CCSER2: variants seen among roughly 807,000 people sequenced by gnomAD.
CCSER2 encodes serine-rich coiled-coil domain-containing protein 2.
Under a neutral mutation model 92.3 loss-of-function variants are expected in CCSER2, and 46 were observed. The observed-to-expected ratio is 0.50, with a 90% CI of 0.39 to 0.64. The LOEUF (loss-of-function observed/expected upper bound fraction) is 0.64. Among genes scored for constraint, CCSER2 ranks in the 30% least tolerant of loss-of-function variants. The probability of loss-of-function intolerance (pLI) is 0.00; values close to 1 mark genes in which losing one functional copy is unlikely to be tolerated. For missense variants in CCSER2, 1,244 were observed against 1,238.9 expected, an observed-to-expected ratio of 1.00 and a Z score of -0.06; for synonymous variants, 433 against 431.4, an observed-to-expected ratio of 1.00 and a Z score of -0.04.
At chr10:84,328,888 C>T (rs1488173876) in intron 1 of CCSER2, 80 bp downstream of exon 1, 2 of 151,552 alleles carry the variant, frequency 1.3e-5, no homozygotes, top group African/African-American at 4.9e-5. Context: ...GGCACGCAGT[C>T]CGGGGCGGGG....
intron 9 of CCSER2, among the ~76,000 whole-genome samples, chr10:84,502,257 A>G (rs2131846107): frequency 6.6e-6 from 1 of 152,002 alleles, no homozygotes; most frequent in Admixed American, 6.5e-5. Flanking sequence ...TCCACATTTA[A>G]TCAATATGTG....
At chr10:84,393,368 G>A (rs145715645) in intron 3 of CCSER2, among the ~76,000 whole-genome samples, 87 of 152,240 alleles carry the variant, frequency 5.7e-4, no homozygotes, top group African/African-American at 1.8e-3. Context: ...AAAAGGCTGC[G>A]TAAATGTCAG....
chr10:84,481,735 T>G (rs1380259749), intron 9 of CCSER2, among the ~76,000 whole-genome samples: 1 of 152,106 alleles, frequency 6.6e-6, no homozygotes, highest in Non-Finnish European at 1.5e-5. Flanking sequence ...GAAGCACGTC[T>G]TAGTGGAGTA....
At chr10:84,388,126 G>A (rs1470353401) in intron 3 of CCSER2, among the ~76,000 whole-genome samples, 2 of 152,220 alleles carry the variant, frequency 1.3e-5, no homozygotes, top group Non-Finnish European at 2.9e-5. Context: ...GCCTCCCAAA[G>A]TGCTGGGATT....
chr10:84,429,689 C>T (rs988497265), intron 5 of CCSER2, among the ~76,000 whole-genome samples: 3 of 146,252 alleles, frequency 2.1e-5, no homozygotes, highest in Non-Finnish European at 3.0e-5. Context: ...TATAATGCGC[C>T]TCTCTTTTAG....
chr10:84,453,688 C>CT (rs1265463233), intron 6 of CCSER2, among the ~76,000 whole-genome samples: 1 of 152,130 alleles, frequency 6.6e-6, no homozygotes. Context: ...TAATCTCCTG[C>CT]TATAATTACA....
intron 5 of CCSER2, among the ~76,000 whole-genome samples, chr10:84,428,267 A>G (rs1589635493): frequency 6.6e-6 from 1 of 152,164 alleles, no homozygotes; most frequent in South Asian, 2.1e-4. Flanking sequence ...AAACTCTTCC[A>G]CCTCAAATCA....
intron 3 of CCSER2, among the ~76,000 whole-genome samples, chr10:84,397,734 T>G (rs1056893805): frequency 6.6e-6 from 1 of 152,214 alleles, no homozygotes; most frequent in Non-Finnish European, 1.5e-5. Context: ...ACTGCTGAGG[T>G]CTACAACATA....
chr10:84,339,124 G>C (rs1325732384), intron 1 of CCSER2, among the ~76,000 whole-genome samples: 1 of 137,480 alleles, frequency 7.3e-6, no homozygotes, highest in Non-Finnish European at 1.6e-5. Context: ...TTTTTTTTTT[G>C]TTTTTTTTTT....
chr10:84,408,223 G>T (rs549696391), intron 3 of CCSER2, among the ~76,000 whole-genome samples: 1 of 152,026 alleles, frequency 6.6e-6, no homozygotes, highest in South Asian at 2.1e-4. Flanking sequence ...GATTATACTT[G>T]TCCTTCAGTT....
chr10:84,460,355 T>C (rs1846037340), intron 6 of CCSER2, among the ~76,000 whole-genome samples: 1 of 151,552 alleles, frequency 6.6e-6, no homozygotes, highest in Admixed American at 6.6e-5. Context: ...CCCCCCCGTC[T>C]TGGCCTCCCA....
rs1491351569 is a variant in CCSER2, at chr10:84,457,462, TAA to T, written c.2065-6470_2065-6469del. 2.1e-3 allele frequency among the ~76,000 whole-genome samples: 231 copies of T among 111,782 alleles called. 1 individual carries two copies. The highest frequency in any genetic ancestry group is 8.6e-3 in the Middle Eastern group (2 of 232). The allele number at this position is 111,782 out of a possible 152,430, so 73.3% of individuals were successfully genotyped here. A position where few individuals can be genotyped will look rare whatever the true frequency, so the allele number is the denominator to read the frequency against. On this transcript the variant is annotated intron_variant, in intron 6 of 9. Coordinates refer to ENST00000372088, the MANE Select transcript of CCSER2 (RefSeq NM_001284240.2). ...ATATAAATACATATTATAAAATATA[TAA>T]TATATATATAAAAGACATGGACTGG... is the stretch of plus-strand genomic sequence containing the variant.
rs1344041483 is a variant in CCSER2 at position 84,332,977 on chromosome 10, GTATTT to G, written c.-40+4173_-40+4177del. Among the ~76,000 whole-genome samples the G allele has an allele frequency of 3.3e-5, 5 of 152,044 alleles. No homozygotes were observed. The East Asian group carries it at 9.6e-4, about 29-fold the overall frequency. On this transcript the variant is annotated intron_variant, in intron 1 of 9. Transcript: ENST00000372088. Reference sequence around the variant, plus strand: ...AACTGAGATAAAATTTCATTTATGTGTATTTTATATTATAGAAAACTACATTATTA... The same window carrying G: ...AACTGAGATAAAATTTCATTTATGTGTATATTATAGAAAACTACATTATTA...
At chr10:84,426,446 G>A (rs577951313) in intron 5 of CCSER2, among the ~76,000 whole-genome samples, 4 of 152,242 alleles carry the variant, frequency 2.6e-5, no homozygotes, top group South Asian at 2.1e-4. Context: ...CTGACCTGGC[G>A]CAGATTAGCT....
chr10:84,474,026 G>A (rs943332931), intron 8 of CCSER2, among the ~76,000 whole-genome samples: 7 of 152,132 alleles, frequency 4.6e-5, no homozygotes, highest in African/African-American at 1.4e-4. Flanking sequence ...AGATTGCAGC[G>A]CTCTGAGAAT....
At chr10:84,431,242 A>G (rs1267267829) in intron 5 of CCSER2, among the ~76,000 whole-genome samples, 1 of 152,152 alleles carries the variant, frequency 6.6e-6, no homozygotes, top group Admixed American at 6.5e-5. Flanking sequence ...TACCCTTCAA[A>G]TTCTGTGTGT....
At chr10:84,345,243 A>G (rs1036013513) in intron 1 of CCSER2, among the ~76,000 whole-genome samples, 1 of 152,184 alleles carries the variant, frequency 6.6e-6, no homozygotes, top group African/African-American at 2.4e-5. Context: ...AACTATTGCA[A>G]ATTATCACGT....
chr10:84,337,280 T>A (rs553224287), intron 1 of CCSER2, among the ~76,000 whole-genome samples: 1 of 152,246 alleles, frequency 6.6e-6, no homozygotes, highest in East Asian at 1.9e-4. Context: ...GGAGAGAAAC[T>A]AGCAGAGGAG....
chr10:84,355,233 G>C (rs61865022), intron 1 of CCSER2, among the ~76,000 whole-genome samples: 2 of 151,706 alleles, frequency 1.3e-5, no homozygotes, highest in Admixed American at 1.3e-4. Flanking sequence ...TCTTAGTATG[G>C]CACATAAGCC....
Sources: gnomAD v4.1 joint callset for allele counts (sites outside exome capture counted in the v4.1 genomes callset) on GRCh38, gnomAD v4.1.1 for gene constraint, MANE v1.5 for transcripts, NCBI Gene and HGNC (gene_info 2026-07-23, HGNC 2026-07-21) for gene names.